CCDC171: variants seen among roughly 807,000 people sequenced by gnomAD.
The protein encoded by CCDC171 is coiled-coil domain containing 171.
A neutral mutation model predicts 168.2 loss-of-function variants in CCDC171; 177 were observed. The observed-to-expected ratio is 1.05, with a 90% CI of 0.93 to 1.19. CCDC171 has a LOEUF of 1.19. Among genes scored for constraint, CCDC171 ranks in the 50% most tolerant of loss-of-function variants. The pLI is 0.00. For synonymous variants in CCDC171, 687 were observed against 540.8 expected, an observed-to-expected ratio of 1.27 and a Z score of -3.75; for missense variants, 1,991 against 1,539.0, an observed-to-expected ratio of 1.29 and a Z score of -4.91.
chr9:15,564,359 G>A (rs1051547915), intron 2 of CCDC171, among the ~76,000 whole-genome samples: 1 of 152,232 alleles, frequency 6.6e-6, no homozygotes, highest in Non-Finnish European at 1.5e-5. Flanking sequence ...AAAAGTCTGT[G>A]TGTCTGAACT....
At chr9:15,793,565 T>TG (rs2058389175) in intron 21 of CCDC171, among the ~76,000 whole-genome samples, 1 of 130,338 alleles carries the variant, frequency 7.7e-6, no homozygotes, top group South Asian at 2.6e-4. Flanking sequence ...TTTTTTTTTT[T>TG]TTTTTTTTTT....
chr9:15,931,052 T>C (rs531900953), intron 25 of CCDC171, among the ~76,000 whole-genome samples: 1 of 151,860 alleles, frequency 6.6e-6, no homozygotes, highest in South Asian at 2.1e-4. Flanking sequence ...AACATTGGAG[T>C]GCAGCTATCT....
chr9:15,682,051 T>C (rs1051044506), intron 10 of CCDC171, among the ~76,000 whole-genome samples: 3 of 152,070 alleles, frequency 2.0e-5, no homozygotes, highest in African/African-American at 7.2e-5. Context: ...TTAGGTCATG[T>C]TCATGGTCAT....
intron 21 of CCDC171, among the ~76,000 whole-genome samples, chr9:15,842,772 A>G (rs2060735674): frequency 6.6e-6 from 1 of 151,874 alleles, no homozygotes; most frequent in South Asian, 2.1e-4. Context: ...AGATAATAGA[A>G]TTTCAATTTA....
intron 7 of CCDC171, among the ~76,000 whole-genome samples, chr9:15,651,931 AG>A (rs1299663992): frequency 6.6e-6 from 1 of 152,042 alleles, no homozygotes; most frequent in Admixed American, 6.6e-5. Flanking sequence ...TTTTTGAGAC[AG>A]GGTCTTGCTG....
intron 18 of CCDC171, among the ~76,000 whole-genome samples, chr9:15,746,695 G>A (rs747339933): frequency 1.3e-5 from 2 of 152,150 alleles, no homozygotes; most frequent in African/African-American, 2.4e-5. Flanking sequence ...TGCAGAAGAC[G>A]GGTGATTTCT....
At chr9:15,985,426 G>T (rs1589297381) in intron 3 of CCDC171, among the ~76,000 whole-genome samples, 1 of 152,150 alleles carries the variant, frequency 6.6e-6, no homozygotes, top group Admixed American at 6.5e-5. Flanking sequence ...TGTTAACAGG[G>T]ACAGTCCTTC....
intron 9 of CCDC171, among the ~76,000 whole-genome samples, chr9:15,669,802 T>G (rs944986121): frequency 2.0e-5 from 3 of 152,092 alleles, no homozygotes; most frequent in Non-Finnish European, 2.9e-5. Flanking sequence ...TAGGAATTTA[T>G]TTTTCTAAAT....
intron 1 of CCDC171, among the ~76,000 whole-genome samples, chr9:16,048,732 C>T (rs1833701220): frequency 6.6e-6 from 1 of 151,930 alleles, no homozygotes; most frequent in Non-Finnish European, 1.5e-5. Flanking sequence ...CTCTTTATGC[C>T]TCTGCTCTGT....
intron 3 of CCDC171, among the ~76,000 whole-genome samples, chr9:15,987,398 A>G (rs1488907957): frequency 1.3e-5 from 2 of 152,192 alleles, no homozygotes; most frequent in Non-Finnish European, 2.9e-5. Flanking sequence ...ATAAACCTGC[A>G]CATGTACCCC....
intron 11 of CCDC171, among the ~76,000 whole-genome samples, chr9:15,707,712 G>A (rs1316211710): frequency 2.0e-5 from 3 of 152,104 alleles, no homozygotes; most frequent in East Asian, 3.9e-4. Context: ...TTCTGGAGAC[G>A]TGAATTTTAA....
intron 11 of CCDC171, among the ~76,000 whole-genome samples, chr9:15,710,666 G>A (rs2052597372): frequency 6.6e-6 from 1 of 151,844 alleles, no homozygotes; most frequent in South Asian, 2.1e-4. Flanking sequence ...CACAATCTCA[G>A]CTCACTGCAA....
intron 18 of CCDC171, among the ~76,000 whole-genome samples, chr9:15,752,241 AAGTC>A (rs1334310267): frequency 6.6e-6 from 1 of 152,208 alleles, no homozygotes; most frequent in Non-Finnish European, 1.5e-5. Context: ...GATCATGAAA[AAGTC>A]AGGAAACAAC....
In CCDC171 at chr9:15,934,836, A is replaced by G. The variant is rs190263664; in HGVS notation, c.3753+14414A>G. Among the ~76,000 whole-genome samples the G allele has an allele frequency of 2.6e-5, 4 of 152,232 alleles. No individual in the cohort carries two copies. In the East Asian group the frequency reaches 7.8e-4, roughly 30 times the overall value. ...TAAAATTCAGCAATAAGAAGGGAAG[A>G]AGCACTGATACGTGTTACAACATGG... On this transcript the variant is annotated intron_variant, in intron 25 of 25. Coordinates refer to ENST00000380701, the MANE Select transcript of CCDC171 (RefSeq NM_173550.4).
intron 24 of CCDC171, among the ~76,000 whole-genome samples, chr9:15,890,986 C>T (rs188745277): frequency 4.2e-4 from 64 of 152,178 alleles, no homozygotes; most frequent in African/African-American, 1.5e-3. Flanking sequence ...TATTTTCTCT[C>T]TTTCTCTCTT....
At chr9:15,991,509 A>T (rs898175372) in intron 3 of CCDC171, among the ~76,000 whole-genome samples, 1 of 151,184 alleles carries the variant, frequency 6.6e-6, no homozygotes, top group African/African-American at 2.5e-5. Flanking sequence ...CTAACATCAC[A>T]ATTAAAAGAA....
chr9:16,048,681 A>C (rs1188143890), intron 1 of CCDC171, among the ~76,000 whole-genome samples: 1 of 151,380 alleles, frequency 6.6e-6, no homozygotes. Context: ...TTTTTTTGAA[A>C]GTAAAGAAAT....
chr9:15,644,107 A>G (rs2046849119), intron 7 of CCDC171, among the ~76,000 whole-genome samples: 1 of 152,214 alleles, frequency 6.6e-6, no homozygotes, highest in Non-Finnish European at 1.5e-5. Context: ...TTGCTGGGTC[A>G]TATGGTAACT....
At chr9:15,869,874 G>C (rs1212000537) in intron 23 of CCDC171, among the ~76,000 whole-genome samples, 1 of 151,814 alleles carries the variant, frequency 6.6e-6, no homozygotes, top group Non-Finnish European at 1.5e-5. Context: ...GAAATTGTTT[G>C]TAGATTCTCT....
Sources: gnomAD v4.1 joint callset for allele counts (sites outside exome capture counted in the v4.1 genomes callset) on GRCh38, gnomAD v4.1.1 for gene constraint, MANE v1.5 for transcripts, NCBI Gene and HGNC (gene_info 2026-07-23, HGNC 2026-07-21) for gene names.